Variants in PRDM6 observed in about 807,000 individuals in gnomAD.
The protein encoded by PRDM6 is putative histone-lysine N-methyltransferase PRDM6.
In PRDM6, 25 loss-of-function variants were observed where a neutral mutation model predicts 60.8. The observed-to-expected ratio is 0.41, with a 90% confidence interval of 0.30 to 0.57. The LOEUF (loss-of-function observed/expected upper bound fraction) is 0.57, where lower values mean the gene tolerates loss of function less well. Among genes scored for constraint, PRDM6 ranks in the 20% least tolerant of loss-of-function variants. PRDM6 has a pLI of 0.27. For synonymous variants in PRDM6, 407 were observed against 357.4 expected, an observed-to-expected ratio of 1.14 and a Z score of -1.57; for missense variants, 839 against 821.3, an observed-to-expected ratio of 1.02 and a Z score of -0.26.
intron 5 of PRDM6, among the ~76,000 whole-genome samples, chr5:123,166,344 C>T (rs1278875174): frequency 6.6e-6 from 1 of 152,232 alleles, no homozygotes; most frequent in Admixed American, 6.5e-5. Context: ...CCCTCAGGAA[C>T]CCAGATTCTC....
intron 3 of PRDM6, among the ~76,000 whole-genome samples, chr5:123,141,207 ATAT>A (rs1765091069): frequency 6.6e-6 from 1 of 151,986 alleles, no homozygotes; most frequent in Non-Finnish European, 1.5e-5. Flanking sequence ...TCCCTTTAAA[ATAT>A]TATTTTAACT....
chr5:123,115,107 G>C (rs900057621), intron 3 of PRDM6, among the ~76,000 whole-genome samples: 2 of 152,186 alleles, frequency 1.3e-5, no homozygotes, highest in African/African-American at 4.8e-5. Flanking sequence ...AAACCTGTGT[G>C]AGTCAGATCT....
At chr5:123,152,837 TGTG>T (rs1473699536) in intron 3 of PRDM6, among the ~76,000 whole-genome samples, 1 of 152,178 alleles carries the variant, frequency 6.6e-6, no homozygotes, top group African/African-American at 2.4e-5. Context: ...ACTCCTTTCT[TGTG>T]GTAGCTTTCG....
chr5:123,104,942 G>A (rs1764172323), intron 3 of PRDM6, among the ~76,000 whole-genome samples: 1 of 151,516 alleles, frequency 6.6e-6, no homozygotes, highest in African/African-American at 2.4e-5. Flanking sequence ...ATGCTGCACA[G>A]TGCCACCCTT....
intron 2 of PRDM6, among the ~76,000 whole-genome samples, chr5:123,092,846 G>C (rs916984844): frequency 4.6e-5 from 7 of 152,200 alleles, no homozygotes; most frequent in African/African-American, 1.4e-4. Flanking sequence ...GGACAAGCAA[G>C]CTTAGGCACT....
rs1580467382 is a variant in PRDM6 at position 123,089,269 on chromosome 5, C to A, written c.-266C>A. 1 of 152,960 alleles carries A rather than the reference C, an allele frequency of 6.5e-6. No individual in the cohort carries two copies. The highest frequency in any genetic ancestry group is 2.4e-5 in the African/African-American group (1 of 41,422). 9.5% of individuals were successfully genotyped at this position (152,960 alleles called of 1,614,324 possible). On this transcript the variant is annotated 5_prime_UTR_variant, in exon 1 of 8. Transcript: ENST00000407847. ...AGAGCGTGGAACCAAGGAGCCAGGA[C>A]GCGGCAGCGGCCAAGCGCAGCAGCC...
intron 3 of PRDM6, among the ~76,000 whole-genome samples, chr5:123,152,934 A>G (rs986630769): frequency 3.3e-5 from 5 of 152,200 alleles, no homozygotes; most frequent in African/African-American, 1.2e-4. Context: ...AATAAATAGA[A>G]TTAGATTCAA....
At position 123,189,625 on chromosome 5, in the gene PRDM6, C is replaced by T. The variant is rs1048133296; in HGVS notation, c.*2424C>T. ...CTCCATTTAAATCTATTTTTATCCT[C>T]TATTATTAAGAGAAATTGTTGGCAT... On this transcript the variant is annotated 3_prime_UTR_variant, in exon 8 of 8. Transcript: ENST00000407847. 4.6e-5 allele frequency: 7 copies of T among 152,204 alleles called. No individual in the cohort carries two copies. Among genetic ancestry groups the T allele is most frequent in the African/African-American group, 1.4e-4 (6 of 41,450 alleles). The allele number at this position is 152,204 out of a possible 1,614,324, so 9.4% of individuals were successfully genotyped here. A position where few individuals can be genotyped will look rare whatever the true frequency, so the allele number is the denominator to read the frequency against.
At chr5:123,140,415 T>C (rs1214081375) in intron 3 of PRDM6, among the ~76,000 whole-genome samples, 2 of 152,204 alleles carry the variant, frequency 1.3e-5, no homozygotes, top group Non-Finnish European at 2.9e-5. Context: ...AATACCATCT[T>C]TGAAATTTAT....
In PRDM6 at chr5:123,189,260, G is replaced by T. The variant is rs974296540; in HGVS notation, c.*2059G>T. The T allele has an allele frequency of 2.0e-5, 3 of 152,218 alleles. No individual in the cohort carries two copies. Among genetic ancestry groups the T allele is most frequent in the Non-Finnish European group, 4.4e-5 (3 of 68,034 alleles). The allele number at this position is 152,218 out of a possible 1,614,324, so 9.4% of individuals were successfully genotyped here. A position where few individuals can be genotyped will look rare whatever the true frequency, so the allele number is the denominator to read the frequency against. On this transcript the variant is annotated 3_prime_UTR_variant, in exon 8 of 8. Transcript: ENST00000407847. The stretch of plus-strand genomic sequence containing the variant: ...AAGAAAAGGACAGATCAGCTTCACA[G>T]ATGAGTAAGCTGTTCCATTTGTTAA...
At chr5:123,145,000 A>G (rs1765206930) in intron 3 of PRDM6, among the ~76,000 whole-genome samples, 2 of 152,180 alleles carry the variant, frequency 1.3e-5, no homozygotes, top group Admixed American at 6.5e-5. Flanking sequence ...TTCCCAACAC[A>G]AGGCACTATA....
chr5:123,096,727 A>G (rs879579124), intron 2 of PRDM6, among the ~76,000 whole-genome samples: 2 of 152,240 alleles, frequency 1.3e-5, no homozygotes, highest in Non-Finnish European at 2.9e-5. Flanking sequence ...CACTTTTAAT[A>G]GTAGCATAAT....
intron 6 of PRDM6, among the ~76,000 whole-genome samples, chr5:123,171,520 G>A (rs1194229607): frequency 1.3e-5 from 2 of 152,134 alleles, no homozygotes; most frequent in African/African-American, 4.8e-5. Flanking sequence ...ACTTAATTAA[G>A]TACTAAGAGG....
chr5:123,112,298 C>G (rs1396028232), intron 3 of PRDM6, among the ~76,000 whole-genome samples: 1 of 152,222 alleles, frequency 6.6e-6, no homozygotes, highest in African/African-American at 2.4e-5. Context: ...TCCAGCGACA[C>G]TGGCCTTTCC....
chr5:123,094,786 G>A (rs1185922540), intron 2 of PRDM6, among the ~76,000 whole-genome samples: 1 of 152,122 alleles, frequency 6.6e-6, no homozygotes, highest in East Asian at 1.9e-4. Flanking sequence ...AGCCTCGCAG[G>A]GGCAGGGGCC....
chr5:123,181,890 A>G (rs1580544547), intron 7 of PRDM6, among the ~76,000 whole-genome samples: 2 of 152,178 alleles, frequency 1.3e-5, no homozygotes, highest in South Asian at 2.1e-4. Context: ...TTCATAAAAG[A>G]TAGTCATTGT....
intron 6 of PRDM6, among the ~76,000 whole-genome samples, chr5:123,178,531 C>T (rs1438580251): frequency 6.6e-6 from 1 of 152,098 alleles, no homozygotes; most frequent in African/African-American, 2.4e-5. Context: ...TAATAAAATG[C>T]ATGTGTAATT....
chr5:123,098,210 C>T (rs1384222453), intron 2 of PRDM6, among the ~76,000 whole-genome samples: 1 of 152,246 alleles, frequency 6.6e-6, no homozygotes, highest in Non-Finnish European at 1.5e-5. Flanking sequence ...CGGCAGGTAC[C>T]CGGGTGCCCC....
At chr5:123,148,768 A>G (rs1426738414) in intron 3 of PRDM6, among the ~76,000 whole-genome samples, 1 of 152,218 alleles carries the variant, frequency 6.6e-6, no homozygotes, top group African/African-American at 2.4e-5. Flanking sequence ...AACTTTATTA[A>G]TCATTATGAA....
Sources: allele counts gnomAD v4.1 joint callset (sites outside exome capture counted in the v4.1 genomes callset), GRCh38; gene constraint gnomAD v4.1.1; transcripts MANE v1.5; gene names NCBI Gene and HGNC (gene_info 2026-07-23, HGNC 2026-07-21).